ACTN1: variants seen among roughly 807,000 people sequenced by gnomAD.
ACTN1 encodes actinin alpha 1.
A neutral mutation model predicts 119.6 loss-of-function variants in ACTN1; 30 were observed. That is an observed-to-expected ratio of 0.25 (90% confidence interval 0.19 to 0.34). The LOEUF is 0.34. Ranked by LOEUF, ACTN1 falls within the 10% of genes least tolerant of loss-of-function variation. ACTN1 has a pLI of 1.00. For synonymous variants in ACTN1, 429 were observed against 472.6 expected (o/e 0.91, Z 1.20); for missense variants, 764 against 1,223.4 (o/e 0.62, Z 5.60).
Position 68,879,807 on chromosome 14 carries a change from T to C in ACTN1, c.2280+155A>G. On this transcript the variant is annotated intron_variant, in intron 18 of 21. Coordinates refer to ENST00000394419, the MANE Select transcript of ACTN1 (RefSeq NM_001130004.2). The surrounding 1 kb of genome is among the most constrained non-coding windows in gnomAD (Gnocchi z 4.9). ...CAACACAGGTTTTCCAAGGCTGGTT[T>C]TGCAGGGTGCATTGAGTCAGGGCAG... is the stretch of plus-strand genomic sequence containing the variant. The C allele has an allele frequency of 9.3e-7, 1 of 1,072,694 alleles. No individual in the cohort carries two copies. The allele number at this position is 1,072,694 out of a possible 1,614,324, so 66.4% of individuals were successfully genotyped here. A position where few individuals can be genotyped will look rare whatever the true frequency, so the allele number is the denominator to read the frequency against.
At chr14:68,949,291 C>A (rs372511741) in intron 1 of ACTN1, among the ~76,000 whole-genome samples, 252 of 152,354 alleles carry the variant, frequency 1.7e-3, no homozygotes, top group African/African-American at 5.8e-3. Flanking sequence ...CTGCATCCCC[C>A]TTCCCCAAGT....
chr14:68,939,207 GAC>G (rs575858270), intron 1 of ACTN1, among the ~76,000 whole-genome samples: 2 of 152,178 alleles, frequency 1.3e-5, no homozygotes, highest in Non-Finnish European at 2.9e-5. Flanking sequence ...AAAACAGGTG[GAC>G]ACACGATCCT....
intron 1 of ACTN1, among the ~76,000 whole-genome samples, chr14:68,956,499 T>C (rs1218806397): frequency 6.6e-6 from 1 of 152,106 alleles, no homozygotes; most frequent in African/African-American, 2.4e-5. Flanking sequence ...GAGCATTTGG[T>C]TCAGGAGGTC....
intron 11 of ACTN1, among the ~76,000 whole-genome samples, chr14:68,889,171 G>C (rs966556588): frequency 6.6e-6 from 1 of 152,136 alleles, no homozygotes; most frequent in South Asian, 2.1e-4. Context: ...ACTATCCTAG[G>C]TATGATCCTC....
chr14:68,884,776 T>C lies in ACTN1; in HGVS notation c.1493A>G (p.Glu498Gly). 6.2e-7 allele frequency: 1 copy of C among 1,611,558 alleles called. No homozygotes were observed. The highest frequency in any genetic ancestry group is 8.5e-7 in the Non-Finnish European group (1 of 1,177,612). ...AGATCTCCCTCTGGGACCTCTCACC[T>C]CCAGAGCTTCCCTTCGCTTCTGAGT... Reference protein sequence around the residue: ...ALTQKRREALERTEKLLETID... With the variant: ...ALTQKRREALGRTEKLLETID... The change falls in exon 13 of 22, where the codon GAG (glutamate) becomes GGG (glycine). Residue 498 changes from glutamate to glycine, a missense_variant and splice_region_variant. By Grantham distance (98) the Glu-to-Gly change is moderately conservative (BLOSUM62 -2). This residue lies in a region of ACTN1 where 544 missense variants were observed against 912.0 expected (regional missense o/e 0.60). Coordinates refer to ENST00000394419, the MANE Select transcript of ACTN1 (RefSeq NM_001130004.2).
chr14:68,925,752 G>A lies in ACTN1; in HGVS notation c.106-80C>T. 1 of 1,165,044 alleles carries A rather than the reference G, an allele frequency of 8.6e-7. No individual in the cohort carries two copies. The highest frequency in any genetic ancestry group is 1.2e-6 in the Non-Finnish European group (1 of 804,230). The allele number at this position is 1,165,044 out of a possible 1,614,324, so 72.2% of individuals were successfully genotyped here. On this transcript the variant is annotated intron_variant, in intron 1 of 21. Transcript: ENST00000394419. This position sits in a 1 kb window ranked among gnomAD's most constrained non-coding sequence, Gnocchi z 4.3. The stretch of plus-strand genomic sequence containing the variant: ...TGGACAAGCCATTTAATGGTGCCAG[G>A]GGGTGGGAGGTGGACACCTACTCAG...
At chr14:68,890,492 G>T (rs2032391418) in intron 10 of ACTN1, among the ~76,000 whole-genome samples, 1 of 152,120 alleles carries the variant, frequency 6.6e-6, no homozygotes, top group Non-Finnish European at 1.5e-5. Flanking sequence ...CAGGCCTCCT[G>T]GGCAAGGCAT....
rs768868163 is a variant in ACTN1 at position 68,874,843 on chromosome 14, G to A, written c.*16C>T. 10 of 1,553,218 alleles carry A rather than the reference G, an allele frequency of 6.4e-6. No homozygotes were observed. Among genetic ancestry groups the A allele is most frequent in the South Asian group, 1.2e-5 (1 of 83,130 alleles). On this transcript the variant is annotated 3_prime_UTR_variant, in exon 22 of 22. Transcript: ENST00000394419. ...AGGGCACGGCGCACAAGACGAGGGCGGCCGGGCGGGGTGGATTAGAGGTCA... is the reference window on the plus strand; with the variant it reads ...AGGGCACGGCGCACAAGACGAGGGCAGCCGGGCGGGGTGGATTAGAGGTCA...
At chr14:68,959,826 C>T (rs1057089045) in intron 1 of ACTN1, among the ~76,000 whole-genome samples, 4 of 152,114 alleles carry the variant, frequency 2.6e-5, no homozygotes, top group Admixed American at 2.0e-4. Flanking sequence ...TAAGAGGCAA[C>T]GACCCTCACA....
chr14:68,875,111 A>C (rs780483163), intron 21 of ACTN1, 94 bp from the exon 22 acceptor site: 27 of 1,567,754 alleles, frequency 1.7e-5, no homozygotes, highest in African/African-American at 4.0e-5. Flanking sequence ...GCGTGAAGGC[A>C]GCATGTGCCG....
chr14:68,976,765 C>T (rs1169807257), intron 1 of ACTN1, among the ~76,000 whole-genome samples: 1 of 152,208 alleles, frequency 6.6e-6, no homozygotes, highest in African/African-American at 2.4e-5. Context: ...CTGGTTACTT[C>T]CCCTCTCTGG....
At chr14:68,976,496 T>C (rs1330097680) in intron 1 of ACTN1, among the ~76,000 whole-genome samples, 1 of 152,158 alleles carries the variant, frequency 6.6e-6, no homozygotes, top group South Asian at 2.1e-4. Context: ...AAAGATAATC[T>C]AGAGAATTAA....
intron 11 of ACTN1, chr14:68,887,853 C>T (rs1276720200): frequency 2.0e-5 from 17 of 835,066 alleles, no homozygotes; most frequent in African/African-American, 3.4e-5. Flanking sequence ...TTCATTTCCC[C>T]GTTTTCTGCA....
intron 2 of ACTN1, among the ~76,000 whole-genome samples, chr14:68,922,963 G>A (rs1321364585): frequency 6.6e-6 from 1 of 152,206 alleles, no homozygotes; most frequent in African/African-American, 2.4e-5. Flanking sequence ...GGAGAAAAAG[G>A]TATCCCAGCA....
chr14:68,874,948 T>C lies in ACTN1; in HGVS notation c.2656A>G (p.Met886Val). Residue 886 changes from methionine (M) to valine (V), a missense_variant, in exon 22 of 22, where the codon ATG (methionine) becomes GTG (valine). Transcript: ENST00000394419. ...PDQAEYCIAR[M>V]APYTGPDSVP... ...GAGTCGGGGCCGGTGTAGGGGGCCA[T>C]CCGCGCGATGCAGTACTCAGCCTGG... 6.2e-7 allele frequency: 1 copy of C among 1,613,520 alleles called. No homozygotes were observed. Among genetic ancestry groups the C allele is most frequent in the South Asian group, 1.1e-5 (1 of 91,074 alleles).
At chr14:68,917,028 T>G (rs911712054) in intron 3 of ACTN1, among the ~76,000 whole-genome samples, 3 of 152,128 alleles carry the variant, frequency 2.0e-5, no homozygotes, top group African/African-American at 7.2e-5. Flanking sequence ...CCCACCTCCA[T>G]GCTCACAGCA....
At chr14:68,942,082 C>T (rs1053482169) in intron 1 of ACTN1, among the ~76,000 whole-genome samples, 1 of 152,206 alleles carries the variant, frequency 6.6e-6, no homozygotes, top group Admixed American at 6.5e-5. Context: ...AGTTCAGCAA[C>T]TGTGGAAGCA....
At chr14:68,901,228 GTTTTGTTTTGT>G (rs2033300865) in intron 8 of ACTN1, among the ~76,000 whole-genome samples, 4 of 125,472 alleles carry the variant, frequency 3.2e-5, no homozygotes, top group Non-Finnish European at 5.1e-5. Flanking sequence ...TTTTTTTTTT[GTTTTGTTTTGT>G]TTTTGTTTTG....
intron 1 of ACTN1, chr14:68,947,257 A>T (rs879425963): frequency 2.6e-5 from 4 of 152,230 alleles, no homozygotes; most frequent in Non-Finnish European, 5.9e-5. Context: ...ACAGAAATGT[A>T]TATAGGAAGT....
Sources: gnomAD v4.1 joint callset for allele counts (sites outside exome capture counted in the v4.1 genomes callset) on GRCh38, gnomAD v4.1.1 for gene constraint, gnomAD v4.1.1 regional missense constraint, Gnocchi (gnomAD v3.1) non-coding constraint, MANE v1.5 for transcripts, NCBI Gene and HGNC (gene_info 2026-07-23, HGNC 2026-07-21) for gene names.